ZNF804B: variants seen among roughly 807,000 people sequenced by gnomAD.
ZNF804B encodes the protein zinc finger 804B.
A neutral mutation model predicts 101.4 loss-of-function variants in ZNF804B; 80 were observed. The ratio of observed to expected loss-of-function variants is 0.79; its 90% CI spans 0.66 to 0.95. The LOEUF is 0.95. Ranked by LOEUF, ZNF804B falls within the 40% of genes least tolerant of loss-of-function variation. The pLI is 0.00. For missense variants in ZNF804B, 1,673 were observed against 1,561.9 expected (o/e 1.07, Z -1.20); for synonymous variants, 622 against 558.8 (o/e 1.11, Z -1.59).
chr7:89,324,094 C>T (rs950326916), intron 2 of ZNF804B, among the ~76,000 whole-genome samples: 1 of 151,964 alleles, frequency 6.6e-6, no homozygotes, highest in African/African-American at 2.4e-5. Context: ...TTGGAAGGGT[C>T]TTTTATAAGA....
intron 1 of ZNF804B, among the ~76,000 whole-genome samples, chr7:89,014,978 A>G (rs1788523631): frequency 6.6e-6 from 1 of 152,162 alleles, no homozygotes; most frequent in African/African-American, 2.4e-5. Context: ...GTCTTACAGT[A>G]TGGGGATTTA....
intron 1 of ZNF804B, among the ~76,000 whole-genome samples, chr7:88,845,256 C>A (rs976860073): frequency 2.6e-5 from 4 of 151,708 alleles, no homozygotes; most frequent in Non-Finnish European, 5.9e-5. Context: ...ATAATAAAAG[C>A]ACACACATAT....
intron 1 of ZNF804B, among the ~76,000 whole-genome samples, chr7:88,775,425 A>C (rs1198342288): frequency 6.6e-6 from 1 of 152,104 alleles, no homozygotes; most frequent in African/African-American, 2.4e-5. Context: ...AAATCATCTC[A>C]AGTAGATAGA....
chr7:89,154,033 T>A (rs1036103219), intron 1 of ZNF804B, among the ~76,000 whole-genome samples: 3 of 144,232 alleles, frequency 2.1e-5, no homozygotes, highest in African/African-American at 7.7e-5. Flanking sequence ...AACAAATCCA[T>A]AGGAAAAAAT....
At position 89,218,310 on chromosome 7, in the gene ZNF804B, G is replaced by A; in HGVS notation, c.249+15G>A. The A allele has an allele frequency of 1.2e-6, 2 of 1,612,998 alleles. No individual in the cohort carries two copies. Among genetic ancestry groups the A allele is most frequent in the South Asian group, 2.2e-5 (2 of 90,870 alleles). On this transcript the variant is annotated intron_variant, in intron 2 of 3. Coordinates refer to ENST00000333190, the MANE Select transcript of ZNF804B (RefSeq NM_181646.5). ...CTCATAAGCAGGTAAGGCAAAGTGG[G>A]AAAAGTCCTTCATATTCCTGTATTT...
intron 1 of ZNF804B, among the ~76,000 whole-genome samples, chr7:88,779,880 C>T (rs2115656122): frequency 6.6e-6 from 1 of 152,206 alleles, no homozygotes; most frequent in African/African-American, 2.4e-5. Context: ...TCTTCTTTAT[C>T]CAAGTAAATG....
intron 1 of ZNF804B, among the ~76,000 whole-genome samples, chr7:89,116,769 A>AT (rs1192876163): frequency 2.0e-5 from 3 of 152,128 alleles, no homozygotes; most frequent in Non-Finnish European, 4.4e-5. Context: ...ATTGAGAGAT[A>AT]TTTTTTACAC....
intron 1 of ZNF804B, among the ~76,000 whole-genome samples, chr7:88,931,282 A>G (rs573100134): frequency 6.6e-6 from 1 of 151,954 alleles, no homozygotes; most frequent in African/African-American, 2.4e-5. Flanking sequence ...ATGATAGATA[A>G]GTAAATAATT....
At chr7:89,075,817 C>G (rs558413357) in intron 1 of ZNF804B, among the ~76,000 whole-genome samples, 14 of 152,322 alleles carry the variant, frequency 9.2e-5, no homozygotes, top group African/African-American at 3.4e-4. Flanking sequence ...CCCTTAACAG[C>G]CATGGGGCAA....
At chr7:89,327,279 C>T (rs932916617) in intron 2 of ZNF804B, 65 bp from the exon 3 acceptor site, 6 of 1,454,234 alleles carry the variant, frequency 4.1e-6, no homozygotes, top group Non-Finnish European at 5.5e-6. Context: ...AATAAGGAGC[C>T]TTGTGGATGG....
At chr7:88,811,361 G>T (rs73198689) in intron 1 of ZNF804B, among the ~76,000 whole-genome samples, 21,138 of 152,150 alleles carry the variant, frequency 0.14, 1,552 homozygotes, top group African/African-American at 0.21. Context: ...ACAACAGATG[G>T]TGCGGAGAGA....
chr7:89,157,067 T>A (rs1790990507), intron 1 of ZNF804B, among the ~76,000 whole-genome samples: 1 of 152,112 alleles, frequency 6.6e-6, no homozygotes, highest in Non-Finnish European at 1.5e-5. Flanking sequence ...AGTAAGAAAA[T>A]CTTTTTTGGT....
intron 1 of ZNF804B, among the ~76,000 whole-genome samples, chr7:89,004,267 G>A (rs1229036030): frequency 6.6e-6 from 1 of 151,326 alleles, no homozygotes; most frequent in Admixed American, 6.6e-5. Context: ...TATAAGAAAG[G>A]GTGATTTTTT....
intron 2 of ZNF804B, among the ~76,000 whole-genome samples, chr7:89,246,267 G>A (rs545442997): frequency 4.5e-4 from 68 of 152,288 alleles, no homozygotes; most frequent in Middle Eastern, 3.4e-3. Context: ...TGAACAATAA[G>A]ACTTGCAGCC....
At chr7:88,930,919 G>A (rs979513716) in intron 1 of ZNF804B, among the ~76,000 whole-genome samples, 3 of 151,820 alleles carry the variant, frequency 2.0e-5, no homozygotes, top group Non-Finnish European at 4.4e-5. Context: ...GCAAGGAAAT[G>A]TCCTTCCTGT....
chr7:88,878,290 C>G (rs1310708725), intron 1 of ZNF804B, among the ~76,000 whole-genome samples: 1 of 152,120 alleles, frequency 6.6e-6, no homozygotes, highest in Non-Finnish European at 1.5e-5. Context: ...CTCACTTTCT[C>G]CATTAGATAA....
At chr7:89,157,880 A>G (rs78661262) in intron 1 of ZNF804B, among the ~76,000 whole-genome samples, 360 of 152,336 alleles carry the variant, frequency 2.4e-3, no homozygotes, top group Non-Finnish European at 4.5e-3. Context: ...AGTAATTGAA[A>G]CTAAAGTGGA....
intron 3 of ZNF804B, among the ~76,000 whole-genome samples, chr7:89,328,995 G>A (rs1584128156): frequency 6.6e-6 from 1 of 151,878 alleles, no homozygotes; most frequent in African/African-American, 2.4e-5. Context: ...TGATGCTGAT[G>A]ATGATAATGA....
At chr7:88,766,407 A>T (rs1789984380) in intron 1 of ZNF804B, among the ~76,000 whole-genome samples, 1 of 152,234 alleles carries the variant, frequency 6.6e-6, no homozygotes, top group South Asian at 2.1e-4. Flanking sequence ...CTCAGATAAC[A>T]TGTATTCAAC....
Sources: gnomAD v4.1 joint callset for allele counts (sites outside exome capture counted in the v4.1 genomes callset) on GRCh38, gnomAD v4.1.1 for gene constraint, MANE v1.5 for transcripts, NCBI Gene and HGNC (gene_info 2026-07-23, HGNC 2026-07-21) for gene names.